FHOD3: variants seen among roughly 807,000 people sequenced by gnomAD.
FHOD3 encodes formin homology 2 domain containing 3.
In FHOD3, 90 loss-of-function variants were observed where a neutral mutation model predicts 173.0. That is an observed-to-expected ratio of 0.52 (90% CI 0.44 to 0.62). The LOEUF (loss-of-function observed/expected upper bound fraction) is 0.62. FHOD3 is among the 20% of genes least tolerant of loss of function. The probability of loss-of-function intolerance (pLI) is 0.00; values close to 1 mark genes in which losing one functional copy is unlikely to be tolerated. For synonymous variants in FHOD3, 828 were observed against 823.0 expected (o/e 1.01, Z -0.10); for missense variants, 1,945 against 2,034.7 (o/e 0.96, Z 0.85).
intron 3 of FHOD3, among the ~76,000 whole-genome samples, chr18:36,471,870 G>A (rs887689663): frequency 7.9e-5 from 12 of 152,126 alleles, no homozygotes; most frequent in African/African-American, 2.7e-4. Flanking sequence ...TCACATAAAC[G>A]AGATGATATG....
chr18:36,426,856 G>A (rs2050274093), intron 3 of FHOD3, among the ~76,000 whole-genome samples: 1 of 152,132 alleles, frequency 6.6e-6, no homozygotes, highest in African/African-American at 2.4e-5. Context: ...CAAAGAGTGT[G>A]CCCTAAGTCA....
intron 1 of FHOD3, among the ~76,000 whole-genome samples, chr18:36,309,767 G>A (rs913960605): frequency 3.9e-5 from 6 of 152,088 alleles, no homozygotes; most frequent in African/African-American, 1.2e-4. Context: ...GGATACGAGT[G>A]GTTTTTTGTT....
intron 1 of FHOD3, among the ~76,000 whole-genome samples, chr18:36,298,810 G>A (rs1201134210): frequency 6.6e-6 from 1 of 152,024 alleles, no homozygotes; most frequent in African/African-American, 2.4e-5. Flanking sequence ...TTTTGCAGGA[G>A]GATAGGCCTC....
At chr18:36,396,652 A>C (rs547895675) in intron 3 of FHOD3, among the ~76,000 whole-genome samples, 1 of 152,290 alleles carries the variant, frequency 6.6e-6, no homozygotes, top group East Asian at 1.9e-4. Context: ...GGTAGGTTAT[A>C]AATTTGATTT....
intron 9 of FHOD3, among the ~76,000 whole-genome samples, chr18:36,615,716 A>G (rs2033133999): frequency 6.6e-6 from 1 of 152,236 alleles, no homozygotes; most frequent in South Asian, 2.1e-4. Flanking sequence ...GTTATGAGGA[A>G]GATATTCATT....
At chr18:36,492,025 A>T (rs1359620938) in intron 3 of FHOD3, among the ~76,000 whole-genome samples, 3 of 152,216 alleles carry the variant, frequency 2.0e-5, no homozygotes, top group African/African-American at 4.8e-5. Context: ...GCAAGACTCC[A>T]GAATGTTCTT....
intron 5 of FHOD3, among the ~76,000 whole-genome samples, chr18:36,555,340 G>C (rs1164723608): frequency 6.6e-6 from 1 of 151,278 alleles, no homozygotes; most frequent in Non-Finnish European, 1.5e-5. Context: ...GGATACACCA[G>C]AGTTTTTTTA....
At chr18:36,372,656 C>G in intron 2 of FHOD3, 24 bp from the exon 3 acceptor site, 1 of 1,612,078 alleles carries the variant, frequency 6.2e-7, no homozygotes, top group Non-Finnish European at 8.5e-7. Context: ...TCTGATGCCC[C>G]TGTTTTGTCT....
At chr18:36,639,455 G>T (rs142995879) in intron 10 of FHOD3, among the ~76,000 whole-genome samples, 3,514 of 152,208 alleles carry the variant, frequency 0.023, 46 homozygotes, top group Non-Finnish European at 0.036. Context: ...GGCGGATCAC[G>T]AGGTCAGGAG....
chr18:36,582,838 G>T (rs1313595358), intron 6 of FHOD3, among the ~76,000 whole-genome samples: 1 of 152,156 alleles, frequency 6.6e-6, no homozygotes, highest in East Asian at 1.9e-4. Flanking sequence ...CGTTTGAACC[G>T]GTAATCCACT....
At chr18:36,328,502 G>T (rs977854857) in intron 1 of FHOD3, among the ~76,000 whole-genome samples, 1 of 152,142 alleles carries the variant, frequency 6.6e-6, no homozygotes, top group Non-Finnish European at 1.5e-5. Flanking sequence ...GGGGAAGTCC[G>T]TAGGGTCTTT....
At chr18:36,769,607 A>G (rs2043286751) in intron 28 of FHOD3, among the ~76,000 whole-genome samples, 181 bp downstream of exon 28, 1 of 152,148 alleles carries the variant, frequency 6.6e-6, no homozygotes, top group Non-Finnish European at 1.5e-5. Context: ...ATTGTGGAGG[A>G]GGGGAGCTGC....
At chr18:36,704,894 T>G (rs1054522721) in intron 17 of FHOD3, among the ~76,000 whole-genome samples, 3 of 152,126 alleles carry the variant, frequency 2.0e-5, no homozygotes, top group Non-Finnish European at 2.9e-5. Context: ...CTGTTCAGAG[T>G]CTCAGTCCCT....
intron 4 of FHOD3, 121 bp downstream of exon 4, chr18:36,502,120 T>C (rs2055062354): frequency 1.8e-6 from 1 of 562,300 alleles, no homozygotes. Flanking sequence ...AATATTTATA[T>C]TTAGATTACA....
intron 28 of FHOD3, chr18:36,778,541 T>C (rs1490815755): frequency 6.6e-6 from 1 of 152,212 alleles, no homozygotes; most frequent in African/African-American, 2.4e-5. Context: ...TTCACCCTTA[T>C]CCAGCCTTTA....
At chr18:36,556,784 T>C (rs1466929789) in intron 5 of FHOD3, among the ~76,000 whole-genome samples, 2 of 152,214 alleles carry the variant, frequency 1.3e-5, no homozygotes, top group African/African-American at 4.8e-5. Flanking sequence ...TGCTCTTTAT[T>C]CCTTTTTGGA....
chr18:36,377,492 C>A (rs2047500890), intron 3 of FHOD3, among the ~76,000 whole-genome samples: 1 of 152,178 alleles, frequency 6.6e-6, no homozygotes, highest in Admixed American at 6.5e-5. Flanking sequence ...TTGGAATTTC[C>A]ATAAAAACTA....
At chr18:36,467,067 G>T (rs2052988731) in intron 3 of FHOD3, among the ~76,000 whole-genome samples, 1 of 152,244 alleles carries the variant, frequency 6.6e-6, no homozygotes, top group Middle Eastern at 3.4e-3. Flanking sequence ...CTGTGGGCTG[G>T]TTTCTTCAGG....
chr18:36,775,712 G>A (rs1265720345), intron 28 of FHOD3, among the ~76,000 whole-genome samples: 1 of 152,150 alleles, frequency 6.6e-6, no homozygotes, highest in Non-Finnish European at 1.5e-5. Flanking sequence ...GAACTTGGGT[G>A]TTTTTCCTGA....
Sources: allele counts gnomAD v4.1 joint callset (sites outside exome capture counted in the v4.1 genomes callset), GRCh38; gene constraint gnomAD v4.1.1; transcripts MANE v1.5; gene names NCBI Gene and HGNC (gene_info 2026-07-23, HGNC 2026-07-21).